The following SRBD1 variants were observed in gnomAD, a reference collection of about 807,000 sequenced individuals.
SRBD1 encodes S1 RNA binding domain 1, also known as S1 RNA-binding domain-containing protein 1.
Under a neutral mutation model 115.3 loss-of-function variants are expected in SRBD1, and 88 were observed. That is an observed-to-expected ratio of 0.76 (90% CI 0.64 to 0.91). SRBD1 has a LOEUF of 0.91. SRBD1 is among the 40% of genes least tolerant of loss of function. SRBD1 has a pLI of 0.00. For missense variants in SRBD1, 1,385 were observed against 1,177.4 expected (o/e 1.18, Z -2.58); for synonymous variants, 509 against 407.7 (o/e 1.25, Z -2.99).
At chr2:45,473,569 T>C (rs1669715306) in intron 16 of SRBD1, among the ~76,000 whole-genome samples, 1 of 152,208 alleles carries the variant, frequency 6.6e-6, no homozygotes, top group African/African-American at 2.4e-5. Flanking sequence ...ACTAAATTGA[T>C]GGTTTGCCTG....
chr2:45,540,501 A>C (rs1671900665), intron 14 of SRBD1, among the ~76,000 whole-genome samples: 1 of 152,130 alleles, frequency 6.6e-6, no homozygotes, highest in Non-Finnish European at 1.5e-5. Context: ...AAAAAGCAAA[A>C]ACTATACCAA....
intron 4 of SRBD1, among the ~76,000 whole-genome samples, chr2:45,592,786 T>C (rs1156572479): frequency 6.6e-6 from 1 of 152,200 alleles, no homozygotes; most frequent in African/African-American, 2.4e-5. Context: ...TGGTTTACAA[T>C]GTGTGGTCCC....
intron 11 of SRBD1, 85 bp from the exon 12 acceptor site, chr2:45,551,367 A>G (rs1270101867): frequency 1.5e-6 from 2 of 1,290,724 alleles, no homozygotes; most frequent in African/African-American, 3.0e-5. Context: ...TTGTACAATT[A>G]TTTCTCAAAG....
At chr2:45,514,449 A>G (rs1187552971) in intron 14 of SRBD1, among the ~76,000 whole-genome samples, 1 of 152,160 alleles carries the variant, frequency 6.6e-6, no homozygotes, top group Non-Finnish European at 1.5e-5. Flanking sequence ...GTGACAACTT[A>G]TCTATGAAAA....
chr2:45,456,897 T>C (rs1669172001), intron 16 of SRBD1, among the ~76,000 whole-genome samples: 1 of 151,934 alleles, frequency 6.6e-6, no homozygotes, highest in Admixed American at 6.6e-5. Context: ...ATTAAATTAA[T>C]TTCATTTAAT....
chr2:45,581,695 C>T lies in SRBD1; in HGVS notation c.931G>A (p.Val311Met), dbSNP rs368691044. 25 of 1,609,842 alleles carry T rather than the reference C, an allele frequency of 1.6e-5. No individual in the cohort carries two copies. Among genetic ancestry groups the T allele is most frequent in the Non-Finnish European group, 1.9e-5 (22 of 1,177,884 alleles). The change falls in exon 6 of 21, where the codon GTG becomes ATG. Residue 311 changes from valine (V) to methionine (M), a missense_variant and splice_region_variant. Transcript: ENST00000263736. The stretch of plus-strand genomic sequence containing the variant: ...AAAAGATAAAAAGGATTCCTTACCA[C>T]GTGTTCTAGTTCTTCAAAAGTTTTA... ...NCKTFEELEHVSAPYKTGSKG... is the reference protein window; with the variant it reads ...NCKTFEELEHMSAPYKTGSKG...
At chr2:45,392,271 C>A (rs1349147626) in intron 20 of SRBD1, among the ~76,000 whole-genome samples, 6 of 152,198 alleles carry the variant, frequency 3.9e-5, no homozygotes, top group Non-Finnish European at 7.3e-5. Context: ...AAGCCCTAAA[C>A]ACGGAATCAT....
chr2:45,413,318 A>G, intron 18 of SRBD1, 25 bp from the exon 19 acceptor site: 2 of 1,595,566 alleles, frequency 1.3e-6, no homozygotes, highest in African/African-American at 1.4e-5. Flanking sequence ...AAAAAACCAC[A>G]TTTATGAAAA....
chr2:45,523,411 G>T (rs557906378), intron 14 of SRBD1, among the ~76,000 whole-genome samples: 1 of 151,560 alleles, frequency 6.6e-6, no homozygotes, highest in African/African-American at 2.4e-5. Flanking sequence ...CTCAAAAGTT[G>T]GTTCTTAGAA....
intron 11 of SRBD1, among the ~76,000 whole-genome samples, chr2:45,552,309 A>G (rs1045541976): frequency 2.6e-5 from 4 of 152,216 alleles, no homozygotes; most frequent in African/African-American, 9.6e-5. Context: ...CCTGCAAACT[A>G]ACTTATAAAC....
chr2:45,554,736 T>C (rs1000412494), intron 10 of SRBD1, among the ~76,000 whole-genome samples: 1 of 152,184 alleles, frequency 6.6e-6, no homozygotes, highest in Non-Finnish European at 1.5e-5. Context: ...TAAACCAAGC[T>C]GGCAGCACAT....
intron 12 of SRBD1, 76 bp from the exon 13 acceptor site, chr2:45,547,688 G>C: frequency 1.6e-6 from 2 of 1,254,542 alleles, no homozygotes; most frequent in Non-Finnish European, 2.2e-6. Context: ...TGTTAAGCAA[G>C]TTGTAACAGA....
chr2:45,540,138 C>G (rs1194768024), intron 14 of SRBD1, among the ~76,000 whole-genome samples: 2 of 152,116 alleles, frequency 1.3e-5, no homozygotes, highest in African/African-American at 4.8e-5. Context: ...GTCAGGAGTT[C>G]AAGACCAGCC....
In SRBD1 at chr2:45,438,208, C is replaced by CT. The variant is rs1668559376; in HGVS notation, c.2050-18315_2050-18314insA. ...TCTTGAAAAAAATCCCTATATGATT[C>CT]ATTCTGATCTGATAGTCTGATCTGA... On this transcript the variant is annotated intron_variant, in intron 16 of 20. Coordinates refer to ENST00000263736, the MANE Select transcript of SRBD1 (RefSeq NM_018079.5). Among the ~76,000 whole-genome samples, 5 of 152,252 alleles carry CT rather than the reference C, an allele frequency of 3.3e-5. No homozygotes were observed. The South Asian group carries it at 1.0e-3, about 32-fold the overall frequency.
intron 16 of SRBD1, among the ~76,000 whole-genome samples, chr2:45,431,786 AC>A (rs1471691193): frequency 6.6e-5 from 10 of 152,186 alleles, no homozygotes; most frequent in Admixed American, 1.3e-4. Context: ...TAGAAAAAAA[AC>A]AAAAACAAAC....
chr2:45,440,229 G>A (rs1668623100), intron 16 of SRBD1, among the ~76,000 whole-genome samples: 1 of 151,946 alleles, frequency 6.6e-6, no homozygotes, highest in Non-Finnish European at 1.5e-5. Context: ...TATGAATCAT[G>A]AAACTAAAAA....
At chr2:45,464,958 T>C (rs1669436097) in intron 16 of SRBD1, among the ~76,000 whole-genome samples, 1 of 151,446 alleles carries the variant, frequency 6.6e-6, no homozygotes, top group Non-Finnish European at 1.5e-5. Flanking sequence ...ATTAATTGAG[T>C]ACCAATACTC....
At chr2:45,436,221 A>C (rs916146800) in intron 16 of SRBD1, among the ~76,000 whole-genome samples, 1 of 152,218 alleles carries the variant, frequency 6.6e-6, no homozygotes, top group Non-Finnish European at 1.5e-5. Flanking sequence ...CATTCATGAT[A>C]AAAATTCTCA....
chr2:45,479,766 C>T (rs945205161), intron 15 of SRBD1, among the ~76,000 whole-genome samples: 1 of 152,148 alleles, frequency 6.6e-6, no homozygotes, highest in African/African-American at 2.4e-5. Context: ...AGCAGATTGT[C>T]AATGTAAACA....
Sources: allele counts gnomAD v4.1 joint callset (sites outside exome capture counted in the v4.1 genomes callset), GRCh38; gene constraint gnomAD v4.1.1; transcripts MANE v1.5; gene names NCBI Gene and HGNC (gene_info 2026-07-23, HGNC 2026-07-21).